The following POLR3C variants were observed in gnomAD, a reference collection of about 807,000 sequenced individuals.
The protein encoded by POLR3C is DNA-directed RNA polymerase III subunit RPC3.
In POLR3C, 44 loss-of-function variants were observed where a neutral mutation model predicts 65.9. That is an observed-to-expected ratio of 0.67 (90% CI 0.52 to 0.86). POLR3C has a LOEUF of 0.86. Among genes scored for constraint, POLR3C ranks in the 40% least tolerant of loss-of-function variants. POLR3C has a pLI of 0.00. For missense variants in POLR3C, 576 were observed against 653.2 expected, an observed-to-expected ratio of 0.88 and a Z score of 1.29; for synonymous variants, 263 against 231.6, an observed-to-expected ratio of 1.14 and a Z score of -1.23.
chr1:145,831,514 C>CAAA (rs57887653), intron 5 of POLR3C, among the ~76,000 whole-genome samples: 1 of 92,734 alleles, frequency 1.1e-5, no homozygotes, highest in African/African-American at 4.4e-5. Flanking sequence ...AACTCCATCT[C>CAAA]AAAAAAAAAA....
At chr1:145,834,049 A>C (rs751615536) in intron 7 of POLR3C, among the ~76,000 whole-genome samples, 1 of 152,156 alleles carries the variant, frequency 6.6e-6, no homozygotes, top group Non-Finnish European at 1.5e-5. Flanking sequence ...TGTACTTAAC[A>C]CAAACCTAGA....
At chr1:145,834,066 A>G (rs1651579065) in intron 7 of POLR3C, among the ~76,000 whole-genome samples, 1 of 152,192 alleles carries the variant, frequency 6.6e-6, no homozygotes, top group Admixed American at 6.5e-5. Context: ...TAGATGGTGT[A>G]GCCCTACAGC....
Position 145,824,220 on chromosome 1 carries a change from C to G in POLR3C, c.-170C>G. 3.4e-6 allele frequency: 1 copy of G among 291,896 alleles called. No homozygotes were observed. The highest frequency in any genetic ancestry group is 3.5e-5 in the South Asian group (1 of 28,388). The allele number at this position is 291,896 out of a possible 1,614,324, so 18.1% of individuals were successfully genotyped here. ...GGGGTAGAGTGGCACGCGCTTTTTG[C>G]TTTTCCGCGTCTTCTTCGGTGGCGA... On this transcript the variant is annotated 5_prime_UTR_variant, in exon 1 of 15. Transcript: ENST00000334163.
At chr1:145,836,747 AT>A (rs781945249) in intron 8 of POLR3C, 67 bp from the exon 9 acceptor site, 11 of 1,099,698 alleles carry the variant, frequency 1.0e-5, no homozygotes, top group Non-Finnish European at 1.5e-5. Context: ...TTTTGGTCAG[AT>A]TTGTTCCATT....
chr1:145,826,904 T>C lies in POLR3C; in HGVS notation c.488T>C (p.Val163Ala). ...DTHFVQRCPS[V>A]PTTENSDPGP... ...CACTTTGTACAACGCTGCCCTTCGG[T>C]ACCTACCACTGAGAATTCAGACCCT... Residue 163 changes from valine to alanine, a missense_variant, in exon 4 of 15, where the codon GTA (valine) becomes GCA (alanine). Physicochemically the swap from Val to Ala is moderately conservative, Grantham distance 64. Transcript: ENST00000334163. The C allele has an allele frequency of 2.5e-6, 4 of 1,613,124 alleles. No individual in the cohort carries two copies. The highest frequency in any genetic ancestry group is 2.5e-6 in the Non-Finnish European group (3 of 1,179,724).
chr1:145,831,098 CAA>C (rs781897349), intron 5 of POLR3C, among the ~76,000 whole-genome samples: 12 of 124,304 alleles, frequency 9.7e-5, no homozygotes, highest in Admixed American at 3.3e-4. Flanking sequence ...GACCCTGTCT[CAA>C]AAAAAAAAAA....
At chr1:145,832,752 G>T (rs1022075141) in intron 5 of POLR3C, among the ~76,000 whole-genome samples, 2 of 152,144 alleles carry the variant, frequency 1.3e-5, no homozygotes, top group Non-Finnish European at 2.9e-5. Context: ...GGCCGGATGT[G>T]GTGGCTCACA....
In POLR3C at chr1:145,839,879, T is replaced by C. The variant is rs781852588; in HGVS notation, c.1222-11T>C. 1 of 1,454,084 alleles carries C rather than the reference T, an allele frequency of 6.9e-7. No homozygotes were observed. Among genetic ancestry groups the C allele is most frequent in the Non-Finnish European group, 9.7e-7 (1 of 1,034,506 alleles). 90.1% of individuals were successfully genotyped at this position (1,454,084 alleles called of 1,614,324 possible). ...TAATTTCTGCTATTTTTCTTTCTAT[T>C]GGACAAATAGGAAATTCCCAAAACA... On this transcript the variant is annotated splice_polypyrimidine_tract_variant and intron_variant, in intron 11 of 14. Transcript: ENST00000334163.
At chr1:145,827,927 C>T (rs1436287808) in intron 4 of POLR3C, among the ~76,000 whole-genome samples, 3 of 148,760 alleles carry the variant, frequency 2.0e-5, no homozygotes, top group African/African-American at 5.0e-5. Context: ...GACTCTGTCT[C>T]GGGAAAAAAA....
intron 4 of POLR3C, among the ~76,000 whole-genome samples, chr1:145,828,503 G>A (rs1484636459): frequency 6.6e-6 from 1 of 152,156 alleles, no homozygotes; most frequent in South Asian, 2.1e-4. Flanking sequence ...CATGTGGGAG[G>A]ATGATATCAC....
intron 14 of POLR3C, among the ~76,000 whole-genome samples, chr1:145,841,797 CTT>C (rs750147073): frequency 6.9e-6 from 1 of 144,850 alleles, no homozygotes; most frequent in Non-Finnish European, 1.5e-5. Flanking sequence ...GATGCCTTTA[CTT>C]TTTTTTTTTC....
In POLR3C at chr1:145,826,369, T is replaced by A. The variant is rs114178815; in HGVS notation, c.148-85T>A. On this transcript the variant is annotated intron_variant, in intron 2 of 14. Coordinates refer to ENST00000334163, the MANE Select transcript of POLR3C (RefSeq NM_006468.8). ...TATCTAGCCATTTTCTGATGCTTAC[T>A]AAGCTGTTGGACAAAAAATTGCCAG... 7.7e-3 allele frequency: 8,992 copies of A among 1,173,128 alleles called. 49 individuals carry two copies. Among genetic ancestry groups the A allele is most frequent in the Non-Finnish European group, 9.5e-3 (7,590 of 799,312 alleles). 72.7% of individuals were successfully genotyped at this position (1,173,128 alleles called of 1,614,324 possible).
At chr1:145,836,628 T>G in intron 8 of POLR3C, 54 bp downstream of exon 8, 2 of 1,153,608 alleles carry the variant, frequency 1.7e-6, no homozygotes, top group Non-Finnish European at 2.6e-6. Flanking sequence ...TGTTGATAAT[T>G]TATTTCTGCA....
In POLR3C at chr1:145,844,366, ATTATG is replaced by A. The variant is rs1244833703; in HGVS notation, c.*1950_*1954del. On this transcript the variant is annotated 3_prime_UTR_variant, in exon 15 of 15. Transcript: ENST00000334163. Reference sequence around the variant, plus strand: ...AGCAACATGGATGGAATTGGAGGTCATTATGTTAAGTAAAATAAACCAAGCACAGA... The same window carrying A: ...AGCAACATGGATGGAATTGGAGGTCATTAAGTAAAATAAACCAAGCACAGA... 2.0e-5 allele frequency among the ~76,000 whole-genome samples: 3 copies of A among 152,240 alleles called. No individual in the cohort carries two copies. Among genetic ancestry groups the A allele is most frequent in the South Asian group, 2.1e-4 (1 of 4,834 alleles).
chr1:145,836,896 A>C (rs782693660), intron 9 of POLR3C, 30 bp downstream of exon 9: 2 of 1,274,410 alleles, frequency 1.6e-6, no homozygotes, highest in Non-Finnish European at 2.3e-6. Context: ...CCTTAGAGTC[A>C]GGCAGCCTGA....
rs587748825 is a variant in POLR3C, at chr1:145,836,508, A to T, written c.891A>T (p.Leu297=). The T allele has an allele frequency of 8.1e-6, 13 of 1,596,556 alleles. No individual in the cohort carries two copies. The Admixed American group carries it at 2.2e-4, about 27-fold the overall frequency. Residue 297 remains leucine (L), a synonymous_variant, in exon 8 of 15, where the codon CTA becomes CTT. Transcript: ENST00000334163. ...PLSSNEIFRS[L]PVGYNISKQV... ...TTGCTCCATAGATCTTCAGATCCCT[A>T]CCTGTTGGCTATAACATCTCTAAGC...
Position 145,833,712 on chromosome 1 carries a change from G to A in POLR3C, c.876+130G>A, listed in dbSNP as rs587639325. The stretch of plus-strand genomic sequence containing the variant: ...AGAAGGGCATTTGATGTGGAGCAGG[G>A]ATTATCTTCAAGTGATGAGCACTGA... On this transcript the variant is annotated intron_variant, in intron 7 of 14. Coordinates refer to ENST00000334163, the MANE Select transcript of POLR3C (RefSeq NM_006468.8). 88 of 676,226 alleles carry A rather than the reference G, an allele frequency of 1.3e-4. 6 individuals carry two copies. In the South Asian group the frequency reaches 1.6e-3, roughly 12 times the overall value. The allele number at this position is 676,226 out of a possible 1,614,324, so 41.9% of individuals were successfully genotyped here.
chr1:145,825,325 C>T (rs1553725489), intron 1 of POLR3C, among the ~76,000 whole-genome samples: 1 of 152,108 alleles, frequency 6.6e-6, no homozygotes, highest in Non-Finnish European at 1.5e-5. Context: ...ATTGGCCAGG[C>T]TGGTCTCAAA....
Position 145,834,503 on chromosome 1 carries a change from A to C in POLR3C, c.876+921A>C, listed in dbSNP as rs1651624166. Among the ~76,000 whole-genome samples the C allele has an allele frequency of 2.0e-5, 3 of 149,398 alleles. No individual in the cohort carries two copies. In the South Asian group the frequency reaches 6.2e-4, roughly 31 times the overall value. ...GCAACATGGTGAAACCCATCTACTA[A>C]AATACAAAAAAAAAAAAAAAAATTA... is the stretch of plus-strand genomic sequence containing the variant. On this transcript the variant is annotated intron_variant, in intron 7 of 14. Transcript: ENST00000334163.
Sources: gnomAD v4.1 joint callset for allele counts (sites outside exome capture counted in the v4.1 genomes callset) on GRCh38, gnomAD v4.1.1 for gene constraint, MANE v1.5 for transcripts, NCBI Gene and HGNC (gene_info 2026-07-23, HGNC 2026-07-21) for gene names.